The following ZFP64 variants were observed in gnomAD, a reference collection of about 807,000 sequenced individuals.
The protein encoded by ZFP64 is zinc finger protein 64.
ZFP64 carries 14 observed loss-of-function variants against 51.6 expected under a neutral mutation model. The ratio of observed to expected loss-of-function variants is 0.27; its 90% CI spans 0.18 to 0.42. ZFP64 has a LOEUF of 0.42. ZFP64 is among the 10% of genes least tolerant of loss of function. ZFP64 has a pLI of 1.00. For synonymous variants in ZFP64, 375 were observed against 361.4 expected (o/e 1.04, Z -0.43); for missense variants, 754 against 906.8 (o/e 0.83, Z 2.16).
chr20:52,119,479 G>C (rs921963837), intron 5 of ZFP64, among the ~76,000 whole-genome samples: 2 of 141,110 alleles, frequency 1.4e-5, no homozygotes, highest in African/African-American at 2.7e-5. Context: ...AGCCAAGACT[G>C]TCACTTCACT....
downstream of ZFP64, among the ~76,000 whole-genome samples, chr20:52,149,133 T>C (rs1980667541): frequency 6.6e-6 from 1 of 152,164 alleles, no homozygotes; most frequent in Admixed American, 6.5e-5. Context: ...ATAACCATTT[T>C]CACGCAGCAG....
intron 5 of ZFP64, chr20:52,104,584 C>A: frequency 2.4e-6 from 1 of 415,228 alleles, no homozygotes. Context: ...TCTCGGGCTA[C>A]AGCAGCGCTG....
Position 52,160,794 on chromosome 20 carries a change from A to G in ZFP64, c.512-420T>C, listed in dbSNP as rs115456160. Among the ~76,000 whole-genome samples the G allele has an allele frequency of 5.2e-3, 794 of 152,304 alleles. 8 individuals carry two copies. Among genetic ancestry groups the G allele is most frequent in the African/African-American group, 0.018 (762 of 41,568 alleles). ...AGAGTTCATGGCTCACCAGGGAAAG[A>G]TTACACTTCTCAGCCTCGCCTGCAG... is the stretch of plus-strand genomic sequence containing the variant. On this transcript the variant is annotated intron_variant, in intron 4 of 5. Transcript: ENST00000216923. This position sits in a 1 kb window ranked among gnomAD's most constrained non-coding sequence, Gnocchi z 4.2.
At chr20:52,159,183 T>C (rs185588810) in intron 5 of ZFP64, among the ~76,000 whole-genome samples, 6 of 152,374 alleles carry the variant, frequency 3.9e-5, no homozygotes, top group Admixed American at 3.3e-4. Flanking sequence ...ATGTTTATTA[T>C]ACAACACTGA....
At chr20:52,186,349 CAACAGAGAACAGGGA>C (rs1983960426) in intron 2 of ZFP64, among the ~76,000 whole-genome samples, 1 of 151,974 alleles carries the variant, frequency 6.6e-6, no homozygotes, top group Non-Finnish European at 1.5e-5. Flanking sequence ...TGAGTGTACA[CAACAGAGAACAGGGA>C]TGTTTTCCTG....
At chr20:52,178,237 C>T (rs982271463) in intron 2 of ZFP64, among the ~76,000 whole-genome samples, 4 of 151,950 alleles carry the variant, frequency 2.6e-5, no homozygotes, top group African/African-American at 9.7e-5. Flanking sequence ...TGAGAAACAT[C>T]GCAATGAGGA....
At chr20:52,184,892 G>C (rs1453537817) in intron 2 of ZFP64, among the ~76,000 whole-genome samples, 1 of 151,976 alleles carries the variant, frequency 6.6e-6, no homozygotes, top group Non-Finnish European at 1.5e-5. Context: ...CCTCACAAAG[G>C]GCTGGGATTA....
At chr20:52,138,056 AGC>A (rs746501117) in intron 5 of ZFP64, among the ~76,000 whole-genome samples, 8,291 of 62,014 alleles carry the variant, frequency 0.13, 269 homozygotes, top group African/African-American at 0.15. Context: ...TAAATAAATA[AGC>A]AAGCCAGGCA....
At chr20:52,097,555 A>T (rs777651899) in intron 6 of ZFP64, 8 of 866,114 alleles carry the variant, frequency 9.2e-6, no homozygotes, top group Non-Finnish European at 1.4e-5. Flanking sequence ...CCCGGGTTCA[A>T]GAGATTACCC....
intron 2 of ZFP64, among the ~76,000 whole-genome samples, chr20:52,176,989 A>G (rs1222696420): frequency 6.6e-6 from 1 of 152,132 alleles, no homozygotes; most frequent in African/African-American, 2.4e-5. Flanking sequence ...GGACTTCACC[A>G]AACAGGAAAA....
chr20:52,159,765 C>G (rs535942813), intron 5 of ZFP64, among the ~76,000 whole-genome samples: 1 of 152,250 alleles, frequency 6.6e-6, no homozygotes, highest in South Asian at 2.1e-4. Context: ...GGTGGACAGA[C>G]CACTTGAGGT....
At chr20:52,094,881 C>T (rs2078971283) in intron 7 of ZFP64, among the ~76,000 whole-genome samples, 1 of 152,132 alleles carries the variant, frequency 6.6e-6, no homozygotes, top group Non-Finnish European at 1.5e-5. Context: ...GTGATCTCAA[C>T]CAAAATCCCA....
chr20:52,115,179 G>C (rs1978795955), intron 5 of ZFP64, among the ~76,000 whole-genome samples: 2 of 139,552 alleles, frequency 1.4e-5, no homozygotes, highest in South Asian at 2.2e-4. Context: ...ACTCCAGCCT[G>C]GGTAACAGAG....
Position 52,152,243 on chromosome 20 carries a change from G to A in ZFP64, c.1949C>T (p.Ser650Phe), listed in dbSNP as rs2122952369. Reference protein sequence around the residue: ...VATTAPPVFSSSSQQELPKQT... With the variant: ...VATTAPPVFSFSSQQELPKQT... ...CTTGGGTAGTTCTTGCTGGGAAGAG[G>A]AGGAGAAGACCGGTGGCGCTGTGGT... Residue 650 changes from serine to phenylalanine, a missense_variant, in exon 6 of 6, where the codon TCC becomes TTC. By Grantham distance (155) the Ser-to-Phe change is radical. This residue lies in a region of ZFP64 where 428 missense variants were observed against 472.4 expected (regional missense o/e 0.91). Transcript: ENST00000216923. 6.2e-7 allele frequency: 1 copy of A among 1,614,160 alleles called. No individual in the cohort carries two copies. Among genetic ancestry groups the A allele is most frequent in the Non-Finnish European group, 8.5e-7 (1 of 1,180,032 alleles).
At chr20:52,102,186 C>T (rs141306823) in intron 5 of ZFP64, among the ~76,000 whole-genome samples, 1 of 151,156 alleles carries the variant, frequency 6.6e-6, no homozygotes, top group East Asian at 1.9e-4. Context: ...AGCCAGATCC[C>T]CAGGTGATTC....
downstream of ZFP64, among the ~76,000 whole-genome samples, chr20:52,147,527 C>T (rs1980583029): frequency 6.6e-6 from 1 of 151,990 alleles, no homozygotes; most frequent in Non-Finnish European, 1.5e-5. Context: ...AGAGATGAAA[C>T]AATCTGAAAA....
At position 52,153,530 on chromosome 20, in the gene ZFP64, T is replaced by A; in HGVS notation, c.764-102A>T. On this transcript the variant is annotated intron_variant, in intron 5 of 5. Transcript: ENST00000216923. This position sits in a 1 kb window ranked among gnomAD's most constrained non-coding sequence, Gnocchi z 5.1. ...AAATCGCTTATACAAGGTGGGTGGG[T>A]GCAGACCTCCTAACTGCAGCTTCTA... The A allele has an allele frequency of 6.9e-7, 1 of 1,456,780 alleles. No individual in the cohort carries two copies. Among genetic ancestry groups the A allele is most frequent in the Admixed American group, 2.5e-5 (1 of 39,986 alleles). 90.2% of individuals were successfully genotyped at this position (1,456,780 alleles called of 1,614,324 possible).
downstream of ZFP64, among the ~76,000 whole-genome samples, chr20:52,148,493 G>A (rs1270726825): frequency 6.6e-6 from 1 of 152,220 alleles, no homozygotes; most frequent in East Asian, 1.9e-4. Flanking sequence ...TGGAGGCCAG[G>A]AGTTTAAGAC....
chr20:52,110,839 T>C (rs1978523218), intron 5 of ZFP64: 1 of 1,606,364 alleles, frequency 6.2e-7, no homozygotes, highest in Admixed American at 1.7e-5. Flanking sequence ...GTTCAGCTTG[T>C]CACCATAATC....
Sources: gnomAD v4.1 joint callset for allele counts (sites outside exome capture counted in the v4.1 genomes callset) on GRCh38, gnomAD v4.1.1 for gene constraint, gnomAD v4.1.1 regional missense constraint, Gnocchi (gnomAD v3.1) non-coding constraint, MANE v1.5 for transcripts, NCBI Gene and HGNC (gene_info 2026-07-23, HGNC 2026-07-21) for gene names.